Variants in FMO5 observed in about 807,000 individuals in gnomAD.
FMO5 encodes the protein flavin containing dimethylaniline monoxygenase 5.
FMO5 carries 51 observed loss-of-function variants against 43.6 expected under a neutral mutation model. The observed-to-expected ratio is 1.17, with a 90% confidence interval of 0.93 to 1.48. The LOEUF (loss-of-function observed/expected upper bound fraction) is 1.48, where lower values mean the gene tolerates loss of function less well. Ranked by LOEUF, FMO5 falls within the 40% of genes most tolerant of loss-of-function variation. The probability of loss-of-function intolerance (pLI) is 0.00; values close to 1 mark genes in which losing one functional copy is unlikely to be tolerated. For synonymous variants in FMO5, 187 were observed against 216.5 expected (o/e 0.86, Z 1.20); for missense variants, 644 against 643.0 (o/e 1.00, Z -0.02).
At chr1:147,189,889 T>C (rs1469429427) in intron 8 of FMO5, among the ~76,000 whole-genome samples, 1 of 152,186 alleles carries the variant, frequency 6.6e-6, no homozygotes, top group Non-Finnish European at 1.5e-5. Context: ...AAAAATAATA[T>C]ACCTTCTGCC....
In FMO5 at chr1:147,204,251, C is replaced by T. The variant is rs1659563407; in HGVS notation, c.831-2747G>A. 7.9e-6 allele frequency: 9 copies of T among 1,143,384 alleles called. No homozygotes were observed. The Admixed American group carries it at 1.5e-4, about 19-fold the overall frequency. The allele number at this position is 1,143,384 out of a possible 1,614,324, so 70.8% of individuals were successfully genotyped here. On this transcript the variant is annotated intron_variant, in intron 6 of 8. Transcript: ENST00000254090. Reference sequence around the variant, plus strand: ...ATCTTTGACAGATGTACATCACCTTCTGTTTCCTTCTTAAAAACCATGCCA... The same window carrying T: ...ATCTTTGACAGATGTACATCACCTTTTGTTTCCTTCTTAAAAACCATGCCA...
chr1:147,186,342 T>C lies in FMO5; in HGVS notation c.*558A>G, dbSNP rs587753891. Reference sequence around the variant, plus strand: ...AAAAATGACCATGTTTCAAGTACACTAGTGAATAGCAAGTGAAACAAAATG... The same window carrying C: ...AAAAATGACCATGTTTCAAGTACACCAGTGAATAGCAAGTGAAACAAAATG... On this transcript the variant is annotated 3_prime_UTR_variant, in exon 9 of 9. Coordinates refer to ENST00000254090, the MANE Select transcript of FMO5 (RefSeq NM_001461.4). 18 of 975,282 alleles carry C rather than the reference T, an allele frequency of 1.8e-5. No individual in the cohort carries two copies. The African/African-American group carries it at 2.6e-4, about 14-fold the overall frequency. The allele number at this position is 975,282 out of a possible 1,614,324, so 60.4% of individuals were successfully genotyped here.
chr1:147,197,451 C>T (rs1256693808), intron 7 of FMO5, among the ~76,000 whole-genome samples: 5 of 152,084 alleles, frequency 3.3e-5, no homozygotes, highest in African/African-American at 1.2e-4. Context: ...CAAATCTTAT[C>T]TTGAATTTTG....
chr1:147,227,160 CA>C (rs1304853114), upstream of FMO5, among the ~76,000 whole-genome samples: 1 of 152,150 alleles, frequency 6.6e-6, no homozygotes, highest in African/African-American at 2.4e-5. Flanking sequence ...ATATCTTTCA[CA>C]AAAGCATTCA....
chr1:147,212,472 G>T lies in FMO5; in HGVS notation c.551C>A (p.Thr184Asn). ...GCCAATTATAATGACTCTCTTTCCA[G>T]TGAATCCCTCTGGGTTCTTATAGTC... The part of the protein sequence containing the change: ...SRDYKNPEGF[T>N]GKRVIIIGIG... The change falls in exon 5 of 9, where the codon ACT (threonine) becomes AAT (asparagine). Residue 184 changes from threonine (T) to asparagine (N), a missense_variant. Physicochemically the swap from Thr to Asn is moderately conservative, Grantham distance 65. Coordinates refer to ENST00000254090, the MANE Select transcript of FMO5 (RefSeq NM_001461.4). 6.2e-7 allele frequency: 1 copy of T among 1,613,798 alleles called. No homozygotes were observed. The highest frequency in any genetic ancestry group is 2.2e-5 in the East Asian group (1 of 44,886).
intron 7 of FMO5, among the ~76,000 whole-genome samples, chr1:147,193,821 G>C (rs1333779350): frequency 6.6e-6 from 1 of 152,140 alleles, no homozygotes; most frequent in Non-Finnish European, 1.5e-5. Context: ...GTGGTTTTGA[G>C]TGAGTTTTTT....
chr1:147,212,322 C>T, intron 5 of FMO5, 71 bp downstream of exon 5: 2 of 1,498,064 alleles, frequency 1.3e-6, no homozygotes, highest in South Asian at 1.2e-5. Context: ...TCTGTTGGGT[C>T]CACCTGCAGC....
At chr1:147,212,352 C>T in intron 5 of FMO5, 41 bp downstream of exon 5, 1 of 1,607,452 alleles carries the variant, frequency 6.2e-7, no homozygotes, top group Non-Finnish European at 8.5e-7. Flanking sequence ...GAAACTGAAG[C>T]TAGAGTTAAG....
intron 2 of FMO5, among the ~76,000 whole-genome samples, chr1:147,216,432 G>A (rs1662008867): frequency 6.6e-6 from 1 of 152,120 alleles, no homozygotes; most frequent in Non-Finnish European, 1.5e-5. Flanking sequence ...TTTTAAATGA[G>A]TAACAATGAG....
Position 147,209,387 on chromosome 1 carries a change from A to G in FMO5, c.631-336T>C, listed in dbSNP as rs140227202. On this transcript the variant is annotated intron_variant, in intron 5 of 8. Transcript: ENST00000254090. ...TGGGAGGCGGAGCTTGCAGTGAGCC[A>G]AGATCGCACCACTGCACTCCAGCCT... Among the ~76,000 whole-genome samples the G allele has an allele frequency of 5.4e-3, 818 of 150,240 alleles. 7 individuals carry two copies. The highest frequency in any genetic ancestry group is 0.017 in the African/African-American group (690 of 40,772).
chr1:147,213,943 A>C (rs1553924421), intron 3 of FMO5, among the ~76,000 whole-genome samples: 1 of 152,192 alleles, frequency 6.6e-6, no homozygotes, highest in East Asian at 1.9e-4. Context: ...GTAGAAAAAC[A>C]CCTCAGTGGC....
rs1553924967 is a variant in FMO5, at chr1:147,215,911, T to C, written c.167A>G (p.Tyr56Cys). Residue 56 changes from tyrosine to cysteine, a missense_variant, in exon 3 of 9, where the codon TAC becomes TGC. Physicochemically the swap from Tyr to Cys is radical, Grantham distance 194 (BLOSUM62 -2). Coordinates refer to ENST00000254090, the MANE Select transcript of FMO5 (RefSeq NM_001461.4). Reference sequence around the variant, plus strand: ...AGAAGTATTGATGATCACTGATTTGTAAATACTGGCCCTTCCTTCTTCAGG... The same window carrying C: ...AGAAGTATTGATGATCACTGATTTGCAAATACTGGCCCTTCCTTCTTCAGG... ...ENPEEGRASI[Y>C]KSVIINTSKE... 1.2e-6 allele frequency: 2 copies of C among 1,612,056 alleles called. No individual in the cohort carries two copies. The highest frequency in any genetic ancestry group is 1.7e-6 in the Non-Finnish European group (2 of 1,179,328).
chr1:147,196,691 G>C (rs1230737220), intron 7 of FMO5, among the ~76,000 whole-genome samples: 2 of 151,986 alleles, frequency 1.3e-5, no homozygotes, highest in Non-Finnish European at 2.9e-5. Context: ...TTTTTGCAGT[G>C]TTTCCTTATT....
intron 6 of FMO5, chr1:147,204,413 CAT>C: frequency 8.7e-7 from 1 of 1,150,828 alleles, no homozygotes; most frequent in South Asian, 1.2e-5. Context: ...ACTTCATTAC[CAT>C]ATTGTTTACA....
At chr1:147,216,580 AT>A (rs1449797278) in intron 2 of FMO5, among the ~76,000 whole-genome samples, 1 of 152,222 alleles carries the variant, frequency 6.6e-6, no homozygotes, top group Non-Finnish European at 1.5e-5. Flanking sequence ...TTTTAAAAAA[AT>A]ATTCAGCATC....
chr1:147,226,906 C>T (rs1489093753), upstream of FMO5, among the ~76,000 whole-genome samples: 1 of 151,552 alleles, frequency 6.6e-6, no homozygotes, highest in Non-Finnish European at 1.5e-5. Flanking sequence ...AATCATGGCT[C>T]ACTGCAGCCT....
chr1:147,187,051 G>A lies in FMO5; in HGVS notation c.1451C>T (p.Ala484Val), dbSNP rs781933672. 2.5e-6 allele frequency: 4 copies of A among 1,614,098 alleles called. No individual in the cohort carries two copies. The highest frequency in any genetic ancestry group is 3.4e-6 in the Non-Finnish European group (4 of 1,180,034). Residue 484 changes from alanine (A) to valine (V), a missense_variant, in exon 9 of 9, where the codon GCT becomes GTT. Transcript: ENST00000254090. ...RVQGPGKWDGARKAILTTDDR... is the reference protein window; with the variant it reads ...RVQGPGKWDGVRKAILTTDDR... ...ATCTGTGGTGAGGATAGCTTTTCGA[G>A]CCCCATCCCACTTTCCAGGGCCCTG...
intron 6 of FMO5, 141 bp from the exon 7 acceptor site, chr1:147,201,645 T>A: frequency 1.6e-6 from 1 of 640,728 alleles, no homozygotes; most frequent in Non-Finnish European, 2.7e-6. Flanking sequence ...GGAAAAGGTC[T>A]AATTTATACT....
At chr1:147,196,387 C>G (rs1658006304) in intron 7 of FMO5, among the ~76,000 whole-genome samples, 1 of 152,018 alleles carries the variant, frequency 6.6e-6, no homozygotes, top group East Asian at 1.9e-4. Context: ...AGTCAATTTC[C>G]AAATTACTTC....
Sources: allele counts gnomAD v4.1 joint callset (sites outside exome capture counted in the v4.1 genomes callset), GRCh38; gene constraint gnomAD v4.1.1; transcripts MANE v1.5; gene names NCBI Gene and HGNC (gene_info 2026-07-23, HGNC 2026-07-21).